LRRC9: variants seen among roughly 807,000 people sequenced by gnomAD.
LRRC9 encodes leucine rich repeat containing 9, also known as leucine-rich repeat-containing protein 9.
Under a neutral mutation model 63.2 loss-of-function variants are expected in LRRC9, and 122 were observed. The observed-to-expected ratio is 1.93, with a 90% CI of 1.67 to 2.24. The LOEUF (loss-of-function observed/expected upper bound fraction) is 2.24. LRRC9 is among the 30% of genes most tolerant of loss of function. The probability of loss-of-function intolerance (pLI) is 0.00; values close to 1 mark genes in which losing one functional copy is unlikely to be tolerated. For missense variants in LRRC9, 1,071 were observed against 627.7 expected (o/e 1.71, Z -7.55); for synonymous variants, 366 against 213.1 (o/e 1.72, Z -6.25).
At position 59,938,815 on chromosome 14, in the gene LRRC9, T is replaced by C. The variant is rs1388615749; in HGVS notation, c.726+243T>C. Among the ~76,000 whole-genome samples, 1 of 149,994 alleles carries C rather than the reference T, an allele frequency of 6.7e-6. No homozygotes were observed. The highest frequency in any genetic ancestry group is 1.5e-5 in the Non-Finnish European group (1 of 67,566). ...ATAGAATAATAATGTTTCTAATCTA[T>C]ACAAAACAAGAAGGAAATTGAAAAA... is the stretch of plus-strand genomic sequence containing the variant. On this transcript the variant is annotated intron_variant, in intron 7 of 31. Coordinates refer to ENST00000445360, the Ensembl canonical transcript of LRRC9. The surrounding 1 kb of genome is among the most constrained non-coding windows in gnomAD (Gnocchi z 4.2).
At chr14:59,933,402 A>G (rs2139794308) in intron 6 of LRRC9, among the ~76,000 whole-genome samples, 1 of 152,320 alleles carries the variant, frequency 6.6e-6, no homozygotes, top group South Asian at 2.1e-4. Context: ...AACATGAATG[A>G]AAGAGAAACA....
chr14:59,981,666 GAT>G (rs1886941655), intron 15 of LRRC9, among the ~76,000 whole-genome samples, 180 bp from the exon 16 acceptor site: 6 of 152,186 alleles, frequency 3.9e-5, no homozygotes, highest in Admixed American at 3.3e-4. Context: ...GGTGGGAATA[GAT>G]ACACCATGCA....
At chr14:60,055,764 G>T (rs1301043027) in intron 30 of LRRC9, among the ~76,000 whole-genome samples, 1 of 151,272 alleles carries the variant, frequency 6.6e-6, no homozygotes, top group African/African-American at 2.4e-5. Context: ...AACTAGCCAG[G>T]CATGATGGCA....
chr14:59,943,118 G>A (rs1277061331), intron 7 of LRRC9, among the ~76,000 whole-genome samples: 1 of 152,072 alleles, frequency 6.6e-6, no homozygotes, highest in Non-Finnish European at 1.5e-5. Context: ...TCCATAGGTT[G>A]TCTCTTCACT....
chr14:60,046,622 A>G (rs1242612914), intron 29 of LRRC9, among the ~76,000 whole-genome samples: 1 of 152,012 alleles, frequency 6.6e-6, no homozygotes, highest in African/African-American at 2.4e-5. Context: ...ATTCTATTCC[A>G]TTGGTCTATG....
At chr14:59,924,346 T>C (rs1293751643) in intron 1 of LRRC9, among the ~76,000 whole-genome samples, 1 of 152,230 alleles carries the variant, frequency 6.6e-6, no homozygotes, top group East Asian at 1.9e-4. Context: ...TATGGGCCTT[T>C]GATGGAGCTT....
chr14:60,044,424 G>A (rs1893236528), intron 29 of LRRC9, among the ~76,000 whole-genome samples: 1 of 152,014 alleles, frequency 6.6e-6, no homozygotes, highest in Non-Finnish European at 1.5e-5. Flanking sequence ...TTTGACATAG[G>A]CATTTATTGC....
chr14:59,970,228 T>C (rs1885337292), intron 12 of LRRC9, among the ~76,000 whole-genome samples: 1 of 151,954 alleles, frequency 6.6e-6, no homozygotes, highest in African/African-American at 2.4e-5. Flanking sequence ...TGGGTTTCTG[T>C]TCCTGTGTTA....
intron 29 of LRRC9, among the ~76,000 whole-genome samples, chr14:60,034,775 T>G (rs1279008384): frequency 2.0e-5 from 3 of 152,178 alleles, no homozygotes; most frequent in African/African-American, 7.2e-5. Context: ...GATTCCATAT[T>G]TTGGCTATTA....
chr14:60,013,152 T>A (rs953914075), intron 23 of LRRC9, among the ~76,000 whole-genome samples: 1 of 148,700 alleles, frequency 6.7e-6, no homozygotes, highest in Non-Finnish European at 1.5e-5. Context: ...TTTTGAGATT[T>A]TATTATTGAG....
intron 30 of LRRC9, among the ~76,000 whole-genome samples, chr14:60,057,167 T>C (rs1300455893): frequency 1.3e-5 from 2 of 152,168 alleles, no homozygotes; most frequent in Non-Finnish European, 2.9e-5. Context: ...CTGAATCATA[T>C]GTTCAGAATT....
Position 59,963,856 on chromosome 14 carries a change from C to A in LRRC9, c.1212-2733C>A, listed in dbSNP as rs1164238262. Among the ~76,000 whole-genome samples, 4 of 152,032 alleles carry A rather than the reference C, an allele frequency of 2.6e-5. No individual in the cohort carries two copies. The East Asian group carries it at 5.8e-4, about 22-fold the overall frequency. On this transcript the variant is annotated intron_variant, in intron 10 of 31. Coordinates refer to ENST00000445360, the Ensembl canonical transcript of LRRC9. ...TAAGCCTGTAAAAGTATTTATTAAA[C>A]CTTTATATAGGATTATAAAGTATAT...
intron 15 of LRRC9, among the ~76,000 whole-genome samples, 192 bp from the exon 16 acceptor site, chr14:59,981,656 G>A (rs1594935025): frequency 6.6e-6 from 1 of 152,028 alleles, no homozygotes; most frequent in South Asian, 2.1e-4. Context: ...ATGTTCAGTG[G>A]GTGGGAATAG....
At chr14:59,920,914 C>G (rs1888717420) in intron 1 of LRRC9, among the ~76,000 whole-genome samples, 1 of 152,134 alleles carries the variant, frequency 6.6e-6, no homozygotes. Context: ...GATAGGTTCA[C>G]AGTTTCTGCC....
intron 8 of LRRC9, among the ~76,000 whole-genome samples, chr14:59,949,419 C>T (rs1032643348): frequency 6.7e-6 from 1 of 149,190 alleles, no homozygotes; most frequent in African/African-American, 2.5e-5. Context: ...ATTAGTCTTG[C>T]TAGCGGTCTA....
intron 8 of LRRC9, among the ~76,000 whole-genome samples, chr14:59,945,524 G>A (rs1882275550): frequency 6.6e-6 from 1 of 151,388 alleles, no homozygotes; most frequent in Admixed American, 6.6e-5. Context: ...ATATATAGAT[G>A]GATATATTTA....
At chr14:60,020,058 A>G (rs141888756) in intron 26 of LRRC9, among the ~76,000 whole-genome samples, 40 of 151,940 alleles carry the variant, frequency 2.6e-4, no homozygotes, top group African/African-American at 8.7e-4. Flanking sequence ...TAAAACCTCT[A>G]CCACAATCAA....
chr14:59,975,391 T>A (rs1051533442), intron 13 of LRRC9, among the ~76,000 whole-genome samples: 1 of 151,946 alleles, frequency 6.6e-6, no homozygotes, highest in South Asian at 2.1e-4. Context: ...ACTTGTCTTA[T>A]ATAAGATAAT....
chr14:59,971,188 C>T (rs1427131384), intron 12 of LRRC9, among the ~76,000 whole-genome samples: 1 of 152,064 alleles, frequency 6.6e-6, no homozygotes, highest in Non-Finnish European at 1.5e-5. Flanking sequence ...AATAGGGGTT[C>T]CTGTCCCCAT....
Sources: gnomAD v4.1 joint callset for allele counts (sites outside exome capture counted in the v4.1 genomes callset) on GRCh38, gnomAD v4.1.1 for gene constraint, Gnocchi (gnomAD v3.1) non-coding constraint, MANE v1.5 for transcripts, NCBI Gene and HGNC (gene_info 2026-07-23, HGNC 2026-07-21) for gene names.